The following WWP2 variants were observed in gnomAD, a reference collection of about 807,000 sequenced individuals.
WWP2 encodes WW domain containing E3 ubiquitin protein ligase 2.
In WWP2, 57 loss-of-function variants were observed where a neutral mutation model predicts 121.0. The ratio of observed to expected loss-of-function variants is 0.47; its 90% CI spans 0.38 to 0.59. WWP2 has a LOEUF of 0.59. Ranked by LOEUF, WWP2 falls within the 20% of genes least tolerant of loss-of-function variation. The pLI, the probability that WWP2 is intolerant of heterozygous loss-of-function variation, is 0.00. For synonymous variants in WWP2, 449 were observed against 441.3 expected (o/e 1.02, Z -0.22); for missense variants, 962 against 1,158.9 (o/e 0.83, Z 2.47).
intron 8 of WWP2, among the ~76,000 whole-genome samples, chr16:69,896,989 G>A (rs2058115162): frequency 6.6e-6 from 1 of 151,976 alleles, no homozygotes; most frequent in Admixed American, 6.6e-5. Context: ...CGTTTTTATT[G>A]TAAAATATTG....
At chr16:69,846,070 A>AAAAAAAAAAAG (rs58504050) in intron 6 of WWP2, among the ~76,000 whole-genome samples, 2 of 149,652 alleles carry the variant, frequency 1.3e-5, no homozygotes, top group African/African-American at 5.0e-5. Context: ...AAAAAAAAAA[A>AAAAAAAAAAAG]GAATACTTAT....
At chr16:69,843,012 T>C (rs2057007508) in intron 6 of WWP2, among the ~76,000 whole-genome samples, 1 of 152,102 alleles carries the variant, frequency 6.6e-6, no homozygotes, top group African/African-American at 2.4e-5. Context: ...TTCAGGATTC[T>C]TAGAAGGGTC....
chr16:69,767,783 T>TA (rs1407049582), intron 1 of WWP2, among the ~76,000 whole-genome samples: 1 of 152,168 alleles, frequency 6.6e-6, no homozygotes, highest in Non-Finnish European at 1.5e-5. Flanking sequence ...CGTTGTTGCT[T>TA]ACTTATCTTA....
At chr16:69,774,047 G>T (rs1201372486) in intron 1 of WWP2, among the ~76,000 whole-genome samples, 1 of 150,584 alleles carries the variant, frequency 6.6e-6, no homozygotes, top group Non-Finnish European at 1.5e-5. Context: ...GGTCAGTGTT[G>T]TTTTTTTTTA....
At chr16:69,924,870 G>A (rs1175074126) in intron 10 of WWP2, 1 of 959,112 alleles carries the variant, frequency 1.0e-6, no homozygotes, top group East Asian at 1.2e-4. Flanking sequence ...TGCACACCCA[G>A]ATGGGAGGTT....
chr16:69,918,845 CT>C (rs113707256), intron 10 of WWP2, among the ~76,000 whole-genome samples: 1,573 of 139,512 alleles, frequency 0.011, 6 homozygotes, highest in Non-Finnish European at 0.014. Context: ...CCTTTTCTTT[CT>C]TTTTTTTTTT....
At chr16:69,883,590 G>A in intron 7 of WWP2, among the ~76,000 whole-genome samples, 1 of 151,948 alleles carries the variant, frequency 6.6e-6, no homozygotes, top group East Asian at 1.9e-4. Context: ...TTAAGTTCCG[G>A]GGTACGTGTA....
intron 8 of WWP2, among the ~76,000 whole-genome samples, chr16:69,897,954 C>T (rs114568279): frequency 6.6e-6 from 1 of 151,622 alleles, no homozygotes; most frequent in Non-Finnish European, 1.5e-5. Flanking sequence ...CACAATGAAA[C>T]AATGGCTGCA....
At position 69,925,273 on chromosome 16, in the gene WWP2, G is replaced by T; in HGVS notation, c.1180-157G>T. On this transcript the variant is annotated intron_variant, in intron 10 of 23. Coordinates refer to ENST00000359154, the MANE Select transcript of WWP2 (RefSeq NM_001270454.2). The surrounding 1 kb of genome is among the most constrained non-coding windows in gnomAD (Gnocchi z 4.0). ...ATCAAAACAAAAAACAGAGACTTTT[G>T]AGAGGAGCAGATGCCACCTAAAGTC... The T allele has an allele frequency of 6.9e-7, 1 of 1,445,092 alleles. No individual in the cohort carries two copies. 89.5% of individuals were successfully genotyped at this position (1,445,092 alleles called of 1,614,324 possible).
chr16:69,826,564 T>A (rs1196796096), intron 4 of WWP2, among the ~76,000 whole-genome samples: 2 of 93,234 alleles, frequency 2.1e-5, no homozygotes, highest in African/African-American at 4.3e-5. Context: ...AGAGTGAGAC[T>A]CCGTCTCAAA....
At chr16:69,818,390 A>G (rs142476980) in intron 4 of WWP2, among the ~76,000 whole-genome samples, 6,901 of 151,948 alleles carry the variant, frequency 0.045, 187 homozygotes, top group South Asian at 0.083. Context: ...TATTTTTAGT[A>G]GAGATGGGGT....
At position 69,934,142 on chromosome 16, in the gene WWP2, C is replaced by G; in HGVS notation, c.1842+13C>G. 1 of 1,614,050 alleles carries G rather than the reference C, an allele frequency of 6.2e-7. No homozygotes were observed. The highest frequency in any genetic ancestry group is 1.3e-5 in the African/African-American group (1 of 75,046). The stretch of plus-strand genomic sequence containing the variant: ...ATTCATCGCCATGGTAAGGGGGCCC[C>G]AGGGGTCTGCCTAGTTCCCTCCTCC... On this transcript the variant is annotated intron_variant, in intron 17 of 23. Coordinates refer to ENST00000359154, the MANE Select transcript of WWP2 (RefSeq NM_001270454.2).
At chr16:69,778,149 A>G (rs2055577897) in intron 1 of WWP2, among the ~76,000 whole-genome samples, 1 of 146,982 alleles carries the variant, frequency 6.8e-6, no homozygotes, top group South Asian at 2.1e-4. Context: ...ACACATATAT[A>G]CATACACACT....
intron 8 of WWP2, among the ~76,000 whole-genome samples, chr16:69,904,960 C>G (rs929925837): frequency 6.6e-6 from 1 of 152,218 alleles, no homozygotes; most frequent in Non-Finnish European, 1.5e-5. Context: ...TAACTTAGTA[C>G]GTAAACCAAC....
Position 69,842,116 on chromosome 16 carries a change from TC to T in WWP2, c.574del (p.Arg192GlyfsTer44). On this transcript the variant is annotated frameshift_variant, in exon 6 of 24. Coordinates refer to ENST00000359154, the MANE Select transcript of WWP2 (RefSeq NM_001270454.2). LOFTEE classifies it high-confidence loss of function. ...PPSTNCFGGR[S>X]RTHRHSGASA... is the part of the protein sequence containing the mutation. ...CAGCACAAACTGCTTTGGTGGAAGA[TC>T]CCGGTAAGACCCCCCTTGGTGAGGA... 6.2e-7 allele frequency: 1 copy of T among 1,612,214 alleles called. No homozygotes were observed. Among genetic ancestry groups the T allele is most frequent in the East Asian group, 2.2e-5 (1 of 44,862 alleles).
At chr16:69,780,235 G>A (rs1242471710) in intron 1 of WWP2, among the ~76,000 whole-genome samples, 6 of 148,584 alleles carry the variant, frequency 4.0e-5, no homozygotes, top group Admixed American at 4.0e-4. Flanking sequence ...CAAAGACATC[G>A]TACTAAGGCT....
At chr16:69,924,135 G>A (rs1322384180) in intron 10 of WWP2, among the ~76,000 whole-genome samples, 1 of 152,218 alleles carries the variant, frequency 6.6e-6, no homozygotes, top group Admixed American at 6.5e-5. Flanking sequence ...ATGGTTTCAA[G>A]ACTTAAACAT....
intron 16 of WWP2, among the ~76,000 whole-genome samples, chr16:69,932,738 C>A (rs987177198): frequency 6.6e-6 from 1 of 152,196 alleles, no homozygotes; most frequent in Non-Finnish European, 1.5e-5. Context: ...AAAACTGTAA[C>A]GGCTTATGTC....
chr16:69,926,809 T>G (rs548410188), intron 11 of WWP2, among the ~76,000 whole-genome samples: 38 of 152,294 alleles, frequency 2.5e-4, no homozygotes, highest in Non-Finnish European at 4.9e-4. Context: ...AGTAAAACTC[T>G]GAAGACCCTG....
Sources: gnomAD v4.1 joint callset for allele counts (sites outside exome capture counted in the v4.1 genomes callset) on GRCh38, gnomAD v4.1.1 for gene constraint, Gnocchi (gnomAD v3.1) non-coding constraint, MANE v1.5 for transcripts, NCBI Gene and HGNC (gene_info 2026-07-23, HGNC 2026-07-21) for gene names.